The following CPM variants were observed in gnomAD, a reference collection of about 807,000 sequenced individuals.
CPM encodes the protein carboxypeptidase M, also known as renal carboxypeptidase.
In CPM, 35 loss-of-function variants were observed where a neutral mutation model predicts 46.4. The ratio of observed to expected loss-of-function variants is 0.75; its 90% CI spans 0.58 to 1.00. CPM has a LOEUF of 1.00. Among genes scored for constraint, CPM ranks in the 50% least tolerant of loss-of-function variants. CPM has a pLI of 0.00. For missense variants in CPM, 422 were observed against 530.4 expected (o/e 0.80, Z 2.01); for synonymous variants, 195 against 195.3 (o/e 1.00, Z 0.01).
At position 68,851,712 on chromosome 12, in the gene CPM, G is replaced by A. The variant is rs1021962127; in HGVS notation, c.*4725C>T. ...TGGAGTAGTTCATATGCAAAAGTAT[G>A]ATAAAATGGTGAGCAATACTGTACA... On this transcript the variant is annotated 3_prime_UTR_variant, in exon 9 of 9. Coordinates refer to ENST00000551568, the MANE Select transcript of CPM (RefSeq NM_198320.5). 2 of 152,156 alleles carry A rather than the reference G, an allele frequency of 1.3e-5. No homozygotes were observed. Among genetic ancestry groups the A allele is most frequent in the Admixed American group, 6.6e-5 (1 of 15,264 alleles). 9.4% of individuals were successfully genotyped at this position (152,156 alleles called of 1,614,324 possible).
At chr12:68,912,033 G>T (rs1887616497) in intron 2 of CPM, 1 of 152,170 alleles carries the variant, frequency 6.6e-6, no homozygotes, top group Non-Finnish European at 1.5e-5. Context: ...TTGAGACAGA[G>T]TTTCGCGCTT....
intron 2 of CPM, among the ~76,000 whole-genome samples, chr12:68,889,663 T>A (rs530669493): frequency 8.3e-4 from 127 of 152,246 alleles, no homozygotes; most frequent in Admixed American, 4.0e-3. Flanking sequence ...ATGCCATCTC[T>A]ACAAAAACTT....
At chr12:68,902,006 T>G (rs560377780) in intron 2 of CPM, among the ~76,000 whole-genome samples, 11 of 152,316 alleles carry the variant, frequency 7.2e-5, no homozygotes, top group Middle Eastern at 3.4e-3. Flanking sequence ...TATGCATCAA[T>G]GCAGGACCAA....
At chr12:68,861,171 C>T (rs1885193769) in intron 7 of CPM, among the ~76,000 whole-genome samples, 1 of 152,100 alleles carries the variant, frequency 6.6e-6, no homozygotes, top group African/African-American at 2.4e-5. Flanking sequence ...TAGGTGTGAG[C>T]CACCAGGCCT....
intron 2 of CPM, among the ~76,000 whole-genome samples, chr12:68,894,048 C>G (rs182569867): frequency 6.6e-6 from 1 of 152,158 alleles, no homozygotes; most frequent in Non-Finnish European, 1.5e-5. Flanking sequence ...ACCTCATGCT[C>G]ACCAGTCTTC....
chr12:68,942,985 G>A lies in CPM; in HGVS notation c.-3-10145C>T, dbSNP rs536194564. 2.0e-5 allele frequency among the ~76,000 whole-genome samples: 3 copies of A among 152,330 alleles called. No individual in the cohort carries two copies. The East Asian group carries it at 5.8e-4, about 29-fold the overall frequency. On this transcript the variant is annotated intron_variant, in intron 1 of 8. Transcript: ENST00000546373. Reference sequence around the variant, plus strand: ...CAGGAAGACACCCCAAATAGAGTGAGTGAAGCATCAAATGGTGTCATTTTT... The same window carrying A: ...CAGGAAGACACCCCAAATAGAGTGAATGAAGCATCAAATGGTGTCATTTTT...
intron 2 of CPM, among the ~76,000 whole-genome samples, chr12:68,891,952 G>T (rs1886672662): frequency 6.6e-6 from 1 of 152,126 alleles, no homozygotes; most frequent in Non-Finnish European, 1.5e-5. Context: ...GGCCAGGCTG[G>T]TCTCGAACTC....
chr12:68,887,025 C>T (rs968274254), intron 2 of CPM, among the ~76,000 whole-genome samples: 1 of 152,130 alleles, frequency 6.6e-6, no homozygotes, highest in African/African-American at 2.4e-5. Flanking sequence ...ATCACACTGC[C>T]GATCAGAGGC....
chr12:68,905,525 C>G (rs1223391925), intron 2 of CPM, among the ~76,000 whole-genome samples: 1 of 152,108 alleles, frequency 6.6e-6, no homozygotes, highest in Non-Finnish European at 1.5e-5. Context: ...AAGTGATCCA[C>G]TCGCCTCACC....
In CPM at chr12:68,920,692, TC is replaced by T. The variant is rs1421952499; in HGVS notation, c.160+11985del. Among the ~76,000 whole-genome samples the T allele has an allele frequency of 1.5e-3, 225 of 146,070 alleles. 1 individual carries two copies. Among genetic ancestry groups the T allele is most frequent in the African/African-American group, 5.8e-3 (217 of 37,188 alleles). On this transcript the variant is annotated intron_variant, in intron 2 of 8. Coordinates refer to ENST00000551568, the MANE Select transcript of CPM (RefSeq NM_198320.5). ...TAAGCTTTTTTTTTCTTTTTCTTTT[TC>T]TTTTTCTTTTTTTTTTTTAGACAGA...
At chr12:68,911,483 T>C (rs1036503943) in intron 2 of CPM, among the ~76,000 whole-genome samples, 7 of 152,178 alleles carry the variant, frequency 4.6e-5, no homozygotes, top group African/African-American at 1.4e-4. Context: ...AAGCTGTAAA[T>C]TGGTATTTAC....
intron 2 of CPM, chr12:68,914,079 TG>T (rs1412549868): frequency 3.3e-6 from 2 of 605,346 alleles, no homozygotes; most frequent in African/African-American, 3.7e-5. Context: ...GCTTGGAATC[TG>T]GGTAATTACA....
intron 2 of CPM, among the ~76,000 whole-genome samples, chr12:68,886,554 C>T (rs1982309): frequency 6.6e-6 from 1 of 152,278 alleles, no homozygotes; most frequent in African/African-American, 2.4e-5. Context: ...ATGGTGTGAA[C>T]CCCGGAGGCG....
intron 2 of CPM, among the ~76,000 whole-genome samples, chr12:68,920,359 G>A (rs189865509): frequency 9.9e-5 from 15 of 152,270 alleles, no homozygotes; most frequent in Admixed American, 8.5e-4. Flanking sequence ...ATGACCCTAC[G>A]CTTCCCACAT....
At chr12:68,899,028 T>C (rs548295072) in intron 2 of CPM, among the ~76,000 whole-genome samples, 3 of 152,274 alleles carry the variant, frequency 2.0e-5, no homozygotes, top group South Asian at 2.1e-4. Flanking sequence ...AAATTTTCAA[T>C]ATAAACAGTG....
intron 5 of CPM, among the ~76,000 whole-genome samples, chr12:68,869,796 G>GTGAATAAAGCTAC (rs1885608088): frequency 6.6e-6 from 1 of 152,050 alleles, no homozygotes; most frequent in South Asian, 2.1e-4. Context: ...TATTATAGGG[G>GTGAATAAAGCTAC]TGAATAAAGC....
At chr12:68,921,440 C>T (rs1041501899) in intron 2 of CPM, among the ~76,000 whole-genome samples, 2 of 152,180 alleles carry the variant, frequency 1.3e-5, no homozygotes, top group Non-Finnish European at 1.5e-5. Context: ...CCGCAACCAG[C>T]CTAAACACTT....
intron 1 of CPM, among the ~76,000 whole-genome samples, chr12:68,959,401 CATT>C (rs1889075938): frequency 6.6e-6 from 1 of 151,404 alleles, no homozygotes; most frequent in South Asian, 2.1e-4. Flanking sequence ...CTTAAAATAT[CATT>C]GTTATTGTAA....
intron 1 of CPM, 41 bp from the exon 2 acceptor site, chr12:68,932,881 AG>A (rs1314777701): frequency 6.3e-7 from 1 of 1,589,570 alleles, no homozygotes. Flanking sequence ...AGAACACATG[AG>A]GGCAGGCGGG....
Sources: gnomAD v4.1 joint callset for allele counts (sites outside exome capture counted in the v4.1 genomes callset) on GRCh38, gnomAD v4.1.1 for gene constraint, MANE v1.5 for transcripts, NCBI Gene and HGNC (gene_info 2026-07-23, HGNC 2026-07-21) for gene names.